Variants in LIMCH1 observed in about 807,000 individuals in gnomAD.
LIMCH1 encodes LIM and calponin homology domains 1.
Under a neutral mutation model 176.5 loss-of-function variants are expected in LIMCH1, and 113 were observed. That is an observed-to-expected ratio of 0.64 (90% CI 0.55 to 0.75). The LOEUF is 0.75. LIMCH1 is among the 30% of genes least tolerant of loss of function. The probability of loss-of-function intolerance (pLI) is 0.00; values close to 1 mark genes in which losing one functional copy is unlikely to be tolerated. For synonymous variants in LIMCH1, 619 were observed against 645.9 expected (o/e 0.96, Z 0.63); for missense variants, 1,674 against 1,814.9 (o/e 0.92, Z 1.41).
chr4:41,543,024 A>G (rs1384928634), intron 1 of LIMCH1, among the ~76,000 whole-genome samples: 1 of 152,208 alleles, frequency 6.6e-6, no homozygotes, highest in Non-Finnish European at 1.5e-5. Context: ...TTTCATCAGC[A>G]TGTTTTTTGG....
chr4:41,445,228 T>A lies in LIMCH1; in HGVS notation c.97-49308T>A, dbSNP rs1345100223. Among the ~76,000 whole-genome samples the A allele has an allele frequency of 3.3e-5, 5 of 152,088 alleles. No individual in the cohort carries two copies. In the East Asian group the frequency reaches 9.6e-4, roughly 29 times the overall value. On this transcript the variant is annotated intron_variant, in intron 1 of 26. Transcript: ENST00000313860. Reference sequence around the variant, plus strand: ...ACCATGTTGGCCAGGATGGTCTTGATCTCCTGACCTCGTGATCCACCTGCC... The same window carrying A: ...ACCATGTTGGCCAGGATGGTCTTGAACTCCTGACCTCGTGATCCACCTGCC...
At chr4:41,674,478 T>C (rs2095152877) in intron 22 of LIMCH1, among the ~76,000 whole-genome samples, 1 of 152,226 alleles carries the variant, frequency 6.6e-6, no homozygotes, top group African/African-American at 2.4e-5. Flanking sequence ...TCCGATAGAA[T>C]TTCCCATCTG....
chr4:41,661,245 T>G, intron 18 of LIMCH1, among the ~76,000 whole-genome samples, 175 bp from the exon 19 acceptor site: 1 of 152,180 alleles, frequency 6.6e-6, no homozygotes, highest in East Asian at 1.9e-4. Flanking sequence ...CTGTTCTCCA[T>G]AGAATGTCTC....
intron 18 of LIMCH1, among the ~76,000 whole-genome samples, chr4:41,657,220 A>T (rs1477860343): frequency 6.6e-6 from 1 of 152,232 alleles, no homozygotes; most frequent in Non-Finnish European, 1.5e-5. Flanking sequence ...ATTCTTGAGA[A>T]AGTGTTACCA....
intron 1 of LIMCH1, among the ~76,000 whole-genome samples, chr4:41,402,095 ATCCCTG>A (rs2058501457): frequency 6.6e-6 from 1 of 152,204 alleles, no homozygotes; most frequent in Non-Finnish European, 1.5e-5. Flanking sequence ...GAGAGAGGGC[ATCCCTG>A]TCTTGTGCCA....
intron 30 of LIMCH1, among the ~76,000 whole-genome samples, chr4:41,692,020 C>T (rs1292815774): frequency 6.6e-6 from 1 of 152,160 alleles, no homozygotes; most frequent in African/African-American, 2.4e-5. Flanking sequence ...CTTATCAGCT[C>T]CACAACCTAG....
At chr4:41,385,452 G>A (rs1196706269) in intron 1 of LIMCH1, among the ~76,000 whole-genome samples, 2 of 152,098 alleles carry the variant, frequency 1.3e-5, no homozygotes, top group South Asian at 4.1e-4. Flanking sequence ...AAATTTCTGT[G>A]GCAATGGGCT....
At position 41,623,041 on chromosome 4, in the gene LIMCH1, T is replaced by C. The variant is rs565355620; in HGVS notation, c.725+2351T>C. ...CACATAGCATGCCACCAGCCTGGCA[T>C]GTCTACGTCTTTGTCACTTACTTTT... On this transcript the variant is annotated intron_variant, in intron 7 of 31. Coordinates refer to ENST00000503057, the MANE Select transcript of LIMCH1 (RefSeq NM_001330672.2). Among the ~76,000 whole-genome samples, 3 of 152,276 alleles carry C rather than the reference T, an allele frequency of 2.0e-5. 1 individual carries two copies. In the East Asian group the frequency reaches 5.8e-4, roughly 29 times the overall value.
intron 21 of LIMCH1, among the ~76,000 whole-genome samples, chr4:41,666,977 T>C (rs760788495): frequency 1.3e-5 from 2 of 152,026 alleles, no homozygotes; most frequent in Non-Finnish European, 2.9e-5. Context: ...TGTGGTGGCA[T>C]GCGCCTTTAG....
chr4:41,512,095 C>T (rs1231547129), intron 2 of LIMCH1, among the ~76,000 whole-genome samples: 1 of 152,018 alleles, frequency 6.6e-6, no homozygotes, highest in Admixed American at 6.6e-5. Flanking sequence ...GACAAAATAT[C>T]GGAATAGACA....
At chr4:41,567,839 C>T (rs2082973570) in intron 1 of LIMCH1, among the ~76,000 whole-genome samples, 1 of 152,114 alleles carries the variant, frequency 6.6e-6, no homozygotes, top group Non-Finnish European at 1.5e-5. Flanking sequence ...TTCATTTCAC[C>T]TCCCAGGTAA....
intron 4 of LIMCH1, among the ~76,000 whole-genome samples, chr4:41,608,372 A>G (rs1438663189): frequency 2.0e-5 from 3 of 152,212 alleles, no homozygotes; most frequent in Non-Finnish European, 4.4e-5. Flanking sequence ...GACTTGGGGA[A>G]AGTAGACTTT....
intron 1 of LIMCH1, among the ~76,000 whole-genome samples, chr4:41,542,940 C>G (rs988477414): frequency 6.6e-6 from 1 of 152,172 alleles, no homozygotes; most frequent in African/African-American, 2.4e-5. Context: ...TCGATGCTGG[C>G]AAAACTGATT....
rs1038852426 is a variant in LIMCH1, at chr4:41,633,447, G to A, written c.1830-101G>A. ...TCTGTGTGCCGCTGCCTCCAGGGAT[G>A]CTGGCTTCTTCTGTCTTGAATTAAC... is the stretch of plus-strand genomic sequence containing the variant. On this transcript the variant is annotated intron_variant, in intron 12 of 31. Coordinates refer to ENST00000503057, the MANE Select transcript of LIMCH1 (RefSeq NM_001330672.2). 16 of 1,393,908 alleles carry A rather than the reference G, an allele frequency of 1.1e-5. No homozygotes were observed. In the African/African-American group the frequency reaches 2.1e-4, roughly 19 times the overall value. 86.3% of individuals were successfully genotyped at this position (1,393,908 alleles called of 1,614,324 possible).
At chr4:41,472,926 A>G (rs2067194571) in intron 1 of LIMCH1, 1 of 640,244 alleles carries the variant, frequency 1.6e-6, no homozygotes, top group Admixed American at 6.3e-5. Flanking sequence ...ATCTCTTAAC[A>G]TCCCATGGAG....
upstream of LIMCH1, among the ~76,000 whole-genome samples, chr4:41,533,173 A>C (rs1037045633): frequency 2.0e-5 from 3 of 152,190 alleles, no homozygotes; most frequent in Non-Finnish European, 4.4e-5. Context: ...CTGAGAAAGA[A>C]AGAAAGAGAA....
At chr4:41,459,271 C>CTCCT (rs1174908128) in intron 1 of LIMCH1, among the ~76,000 whole-genome samples, 1 of 151,866 alleles carries the variant, frequency 6.6e-6, no homozygotes, top group African/African-American at 2.4e-5. Context: ...CTTTGCCTCC[C>CTCCT]TCCTTCCTTC....
chr4:41,536,942 A>G (rs2078012672), upstream of LIMCH1, among the ~76,000 whole-genome samples: 1 of 152,228 alleles, frequency 6.6e-6, no homozygotes, highest in African/African-American at 2.4e-5. Flanking sequence ...ATGTAGATGT[A>G]CCATAGGAAT....
In LIMCH1 at chr4:41,469,240, C is replaced by A. The variant is rs991589493; in HGVS notation, c.97-25296C>A. Among the ~76,000 whole-genome samples, 8 of 152,290 alleles carry A rather than the reference C, an allele frequency of 5.3e-5. No homozygotes were observed. The East Asian group carries it at 1.5e-3, about 29-fold the overall frequency. On this transcript the variant is annotated intron_variant, in intron 1 of 26. Coordinates refer to the LIMCH1 transcript ENST00000313860. Reference sequence around the variant, plus strand: ...CAAGCACATTTGAGTGACTGACACTCCTCCTCTTCTGTTGATCTTGCTCCT... The same window carrying A: ...CAAGCACATTTGAGTGACTGACACTACTCCTCTTCTGTTGATCTTGCTCCT...
Sources: allele counts gnomAD v4.1 joint callset (sites outside exome capture counted in the v4.1 genomes callset), GRCh38; gene constraint gnomAD v4.1.1; transcripts MANE v1.5; gene names NCBI Gene and HGNC (gene_info 2026-07-23, HGNC 2026-07-21).